The following SHANK2 variants were observed in gnomAD, a reference collection of about 807,000 sequenced individuals.
SHANK2 encodes SH3 and multiple ankyrin repeat domains 2.
In SHANK2, 43 loss-of-function variants were observed where a neutral mutation model predicts 133.7. The observed-to-expected ratio is 0.32, with a 90% CI of 0.25 to 0.41. SHANK2 has a LOEUF of 0.41. SHANK2 is among the 10% of genes least tolerant of loss of function. The probability of loss-of-function intolerance (pLI) is 1.00; values close to 1 mark genes in which losing one functional copy is unlikely to be tolerated. For synonymous variants in SHANK2, 1,017 were observed against 952.8 expected (o/e 1.07, Z -1.24); for missense variants, 1,994 against 2,235.8 (o/e 0.89, Z 2.18).
chr11:70,577,170 G>T (rs1253374288), intron 17 of SHANK2, among the ~76,000 whole-genome samples: 1 of 152,212 alleles, frequency 6.6e-6, no homozygotes, highest in Non-Finnish European at 1.5e-5. Context: ...GACAGCCCCA[G>T]GAGGACTCGT....
chr11:70,619,918 T>C (rs1488834977), intron 17 of SHANK2, among the ~76,000 whole-genome samples: 1 of 152,186 alleles, frequency 6.6e-6, no homozygotes, highest in Non-Finnish European at 1.5e-5. Context: ...TCAGCTCTGC[T>C]AACTGATGCT....
intron 2 of SHANK2, among the ~76,000 whole-genome samples, chr11:71,160,311 C>G (rs1306831287): frequency 1.3e-5 from 2 of 152,146 alleles, no homozygotes; most frequent in Non-Finnish European, 1.5e-5. Context: ...GAACTGTCTC[C>G]CTCTAAAATT....
intron 11 of SHANK2, among the ~76,000 whole-genome samples, chr11:70,883,345 T>C (rs2135588063): frequency 6.6e-6 from 1 of 152,274 alleles, no homozygotes; most frequent in Admixed American, 6.5e-5. Flanking sequence ...CCCCTAATGC[T>C]GGCCTCAGCC....
intron 10 of SHANK2, among the ~76,000 whole-genome samples, chr11:70,908,650 G>A (rs1555078440): frequency 1.3e-5 from 2 of 152,194 alleles, no homozygotes; most frequent in Admixed American, 6.5e-5. Context: ...CAGGCCTCCA[G>A]AGCTGCACCG....
rs1279038030 is a variant in SHANK2 at position 71,088,592 on chromosome 11, T to A, written c.912+3830A>T. Among the ~76,000 whole-genome samples, 24 of 152,260 alleles carry A rather than the reference T, an allele frequency of 1.6e-4. No individual in the cohort carries two copies. The East Asian group carries it at 4.6e-3, about 29-fold the overall frequency. ...CGGCAGCTGTTCGGTGGAGACCCTGTGAGACTCGAGAAAGATGTGGGTGTT... is the reference window on the plus strand; with the variant it reads ...CGGCAGCTGTTCGGTGGAGACCCTGAGAGACTCGAGAAAGATGTGGGTGTT... On this transcript the variant is annotated intron_variant, in intron 8 of 25. Transcript: ENST00000601538.
chr11:70,665,846 C>T (rs1358418057), intron 15 of SHANK2, among the ~76,000 whole-genome samples: 3 of 152,180 alleles, frequency 2.0e-5, no homozygotes, highest in African/African-American at 4.8e-5. Context: ...TTCTTAGCAT[C>T]CCCGTCCACC....
intron 17 of SHANK2, among the ~76,000 whole-genome samples, chr11:70,645,653 CG>C (rs1313181191): frequency 6.6e-6 from 1 of 152,172 alleles, no homozygotes; most frequent in African/African-American, 2.4e-5. Flanking sequence ...TTGGAGGCAA[CG>C]CCACCTGCCA....
intron 3 of SHANK2, among the ~76,000 whole-genome samples, chr11:71,119,722 T>C (rs1433742753): frequency 6.6e-6 from 1 of 152,102 alleles, no homozygotes; most frequent in East Asian, 1.9e-4. Flanking sequence ...ACCCCACTTA[T>C]GTCTCCCTAA....
At position 70,621,165 on chromosome 11, in the gene SHANK2, C is replaced by T. The variant is rs568860242; in HGVS notation, c.2061+38663G>A. 2.6e-5 allele frequency among the ~76,000 whole-genome samples: 4 copies of T among 152,320 alleles called. No homozygotes were observed. In the South Asian group the frequency reaches 8.3e-4, roughly 32 times the overall value. On this transcript the variant is annotated intron_variant, in intron 17 of 25. Transcript: ENST00000601538. ...CTCTACAGGCTCACATCAATGACAG[C>T]AGCCCCTGGGCAGCCTGCTCTGACC...
At chr11:70,949,197 C>T (rs1455834970) in intron 10 of SHANK2, among the ~76,000 whole-genome samples, 1 of 152,210 alleles carries the variant, frequency 6.6e-6, no homozygotes, top group Non-Finnish European at 1.5e-5. Context: ...AGAGAAAAGG[C>T]TAAAATCGAA....
At chr11:70,788,325 T>TGG in intron 14 of SHANK2, among the ~76,000 whole-genome samples, 1 of 152,196 alleles carries the variant, frequency 6.6e-6, no homozygotes, top group Non-Finnish European at 1.5e-5. Flanking sequence ...TGGTTTCACT[T>TGG]TCTGAGGTTT....
At chr11:70,585,623 C>A (rs1338983153) in intron 17 of SHANK2, among the ~76,000 whole-genome samples, 1 of 151,772 alleles carries the variant, frequency 6.6e-6, no homozygotes, top group Non-Finnish European at 1.5e-5. Context: ...ATCCATCTCT[C>A]TTTTCATGTA....
intron 17 of SHANK2, among the ~76,000 whole-genome samples, chr11:70,621,337 TG>T (rs1338832910): frequency 6.6e-6 from 1 of 152,234 alleles, no homozygotes; most frequent in Non-Finnish European, 1.5e-5. Flanking sequence ...GGTACTCATT[TG>T]AGGTCACAGG....
chr11:70,679,148 C>T (rs1298078476), intron 15 of SHANK2, among the ~76,000 whole-genome samples: 3 of 152,242 alleles, frequency 2.0e-5, no homozygotes, highest in Non-Finnish European at 2.9e-5. Flanking sequence ...TCTGGCAGGC[C>T]GGGTACGCAC....
At chr11:71,165,277 G>A (rs868909819) in intron 2 of SHANK2, among the ~76,000 whole-genome samples, 4 of 151,916 alleles carry the variant, frequency 2.6e-5, no homozygotes, top group East Asian at 3.9e-4. Flanking sequence ...CAAGCCATCC[G>A]CCCGCCTTGG....
At chr11:70,476,370 C>T (rs2058663843) in intron 25 of SHANK2, among the ~76,000 whole-genome samples, 2 of 150,782 alleles carry the variant, frequency 1.3e-5, no homozygotes, top group African/African-American at 4.8e-5. Flanking sequence ...GGCCTATGGA[C>T]ATAGGATACA....
chr11:71,181,583 G>A (rs562526466), intron 2 of SHANK2, among the ~76,000 whole-genome samples: 5 of 152,132 alleles, frequency 3.3e-5, no homozygotes, highest in South Asian at 2.1e-4. Flanking sequence ...AAAACCAATC[G>A]GAGTGGCCAC....
rs140123135 is a variant in SHANK2, at chr11:71,099,363, CAGA to C, written c.593-4678_593-4676del. On this transcript the variant is annotated intron_variant, in intron 6 of 25. Coordinates refer to ENST00000601538, the MANE Select transcript of SHANK2 (RefSeq NM_012309.5). Reference sequence around the variant, plus strand: ...AGAAGCGTACCATACGACTTCCGCTCAGAAGAATACTGGAGTAAGATGCTGATA... The same window carrying C: ...AGAAGCGTACCATACGACTTCCGCTCAGAATACTGGAGTAAGATGCTGATA... 4.4e-3 allele frequency among the ~76,000 whole-genome samples: 664 copies of C among 152,298 alleles called. 4 individuals are homozygous for C. The highest frequency in any genetic ancestry group is 0.015 in the African/African-American group (628 of 41,558).
At chr11:70,875,272 C>A (rs1313763601) in intron 11 of SHANK2, among the ~76,000 whole-genome samples, 4 of 152,050 alleles carry the variant, frequency 2.6e-5, no homozygotes, top group African/African-American at 9.7e-5. Context: ...GACAGCGTCA[C>A]TCACTCCGCC....
Sources: allele counts gnomAD v4.1 joint callset (sites outside exome capture counted in the v4.1 genomes callset), GRCh38; gene constraint gnomAD v4.1.1; transcripts MANE v1.5; gene names NCBI Gene and HGNC (gene_info 2026-07-23, HGNC 2026-07-21).